Variants in ZNF43 observed in about 807,000 individuals in gnomAD.
ZNF43 encodes the protein zinc finger protein 43.
A neutral mutation model predicts 68.4 loss-of-function variants in ZNF43; 44 were observed. The ratio of observed to expected loss-of-function variants is 0.64; its 90% CI spans 0.51 to 0.83. ZNF43 has a LOEUF of 0.83. Among genes scored for constraint, ZNF43 ranks in the 40% least tolerant of loss-of-function variants. ZNF43 has a pLI of 0.00. For synonymous variants in ZNF43, 308 were observed against 307.8 expected, an observed-to-expected ratio of 1.00 and a Z score of -0.01; for missense variants, 896 against 933.2, an observed-to-expected ratio of 0.96 and a Z score of 0.52.
chr19:21,846,038 A>G (rs1181931712), intron 1 of ZNF43, among the ~76,000 whole-genome samples: 1 of 152,120 alleles, frequency 6.6e-6, no homozygotes, highest in African/African-American at 2.4e-5. Context: ...TGCATCCAGC[A>G]ACATGTCACA....
upstream of ZNF43, among the ~76,000 whole-genome samples, chr19:21,839,331 CAAAAAAAAAA>C (rs61335194): frequency 0.022 from 616 of 28,348 alleles, 17 homozygotes; most frequent in African/African-American, 0.065. Context: ...AGAGATCAGG[CAAAAAAAAAA>C]AAAAAAAAAA....
In ZNF43 at chr19:21,834,487, G is replaced by C. The variant is rs536711835; in HGVS notation, c.3+1549C>G. 3.3e-5 allele frequency among the ~76,000 whole-genome samples: 5 copies of C among 152,084 alleles called. No individual in the cohort carries two copies. The South Asian group carries it at 1.0e-3, about 32-fold the overall frequency. On this transcript the variant is annotated intron_variant, in intron 1 of 3. Coordinates refer to ENST00000354959, the MANE Select transcript of ZNF43 (RefSeq NM_003423.4). ...AGAAAACAAAATTTAGGCCGGACTCGGTGGCTCACGCCTGTAATCCTTGCA... is the reference window on the plus strand; with the variant it reads ...AGAAAACAAAATTTAGGCCGGACTCCGTGGCTCACGCCTGTAATCCTTGCA...
chr19:21,836,485 G>A (rs1446496742), upstream of ZNF43, among the ~76,000 whole-genome samples: 1 of 152,222 alleles, frequency 6.6e-6, no homozygotes, highest in East Asian at 1.9e-4. Flanking sequence ...ACTAAAAAAT[G>A]AAAACAATTG....
At chr19:21,820,830 A>ATTT (rs750258211) in intron 1 of ZNF43, among the ~76,000 whole-genome samples, 29 of 128,778 alleles carry the variant, frequency 2.3e-4, no homozygotes, top group African/African-American at 7.7e-4. Flanking sequence ...ATGTTCTGTA[A>ATTT]TTTTTTTTTT....
intron 1 of ZNF43, among the ~76,000 whole-genome samples, chr19:21,846,853 C>G (rs2145421455): frequency 6.6e-6 from 1 of 152,290 alleles, no homozygotes. Context: ...TATCACCTGG[C>G]TGTTGGACCC....
chr19:21,824,821 G>A (rs745635451), intron 1 of ZNF43, among the ~76,000 whole-genome samples: 3 of 151,956 alleles, frequency 2.0e-5, no homozygotes, highest in African/African-American at 2.4e-5. Context: ...GGCCAAGCTT[G>A]AGGATTATAA....
chr19:21,816,242 G>A (rs1249741591), intron 3 of ZNF43, among the ~76,000 whole-genome samples: 1 of 152,108 alleles, frequency 6.6e-6, no homozygotes, highest in Non-Finnish European at 1.5e-5. Context: ...GCTCACACTT[G>A]CAATGACAGC....
chr19:21,851,539 C>CAAAA (rs759516277), intron 1 of ZNF43, among the ~76,000 whole-genome samples: 2 of 64,826 alleles, frequency 3.1e-5, no homozygotes, highest in Non-Finnish European at 3.4e-5. Context: ...GATTCCCTCT[C>CAAAA]AAAAAAAAAA....
chr19:21,815,784 C>A (rs2037497782), intron 3 of ZNF43, among the ~76,000 whole-genome samples: 1 of 151,812 alleles, frequency 6.6e-6, no homozygotes, highest in Admixed American at 6.6e-5. Context: ...CTGGGTCAGG[C>A]ATGGTGGCTC....
intron 1 of ZNF43, 93 bp downstream of exon 1, chr19:21,835,940 ACTC>A: frequency 6.3e-7 from 1 of 1,599,456 alleles, no homozygotes; most frequent in Non-Finnish European, 8.5e-7. Context: ...CTGGGCAAGA[ACTC>A]CGGCACGCGC....
chr19:21,848,816 T>C (rs1394052425), intron 1 of ZNF43, among the ~76,000 whole-genome samples: 3 of 152,182 alleles, frequency 2.0e-5, no homozygotes, highest in Non-Finnish European at 4.4e-5. Flanking sequence ...CACCAATGAA[T>C]TGAACCTGTG....
intron 3 of ZNF43, among the ~76,000 whole-genome samples, chr19:21,813,360 T>C (rs770955412): frequency 2.6e-5 from 4 of 152,252 alleles, no homozygotes; most frequent in Middle Eastern, 3.4e-3. Flanking sequence ...CTGAATGACA[T>C]ATGAACATCC....
At chr19:21,816,468 C>T (rs2037534433) in intron 3 of ZNF43, among the ~76,000 whole-genome samples, 1 of 152,162 alleles carries the variant, frequency 6.6e-6, no homozygotes, top group South Asian at 2.1e-4. Flanking sequence ...GACCCCTGTT[C>T]TTAACTACAG....
intron 1 of ZNF43, among the ~76,000 whole-genome samples, chr19:21,825,485 A>G (rs1426540438): frequency 1.3e-5 from 2 of 152,184 alleles, no homozygotes; most frequent in Non-Finnish European, 2.9e-5. Context: ...TCTGAGTTTG[A>G]AAAAAGGACT....
At chr19:21,818,258 A>G (rs2037626730) in intron 2 of ZNF43, among the ~76,000 whole-genome samples, 1 of 152,070 alleles carries the variant, frequency 6.6e-6, no homozygotes, top group Non-Finnish European at 1.5e-5. Flanking sequence ...GTGTGCCACC[A>G]TGCCTGATTA....
At position 21,808,545 on chromosome 19, in the gene ZNF43, T is replaced by C; in HGVS notation, c.1492A>G (p.Thr498Ala). The change falls in exon 4 of 4, where the codon ACT becomes GCT. Residue 498 changes from threonine to alanine, a missense_variant. Thr to Ala is a moderately conservative substitution (Grantham distance 58). Coordinates refer to ENST00000354959, the MANE Select transcript of ZNF43 (RefSeq NM_003423.4). ...TCAATGTGAATTTTCTTATGTTTAG[T>C]AAGGTTTGAGGACCGGCTAAAAGCT... The part of the protein sequence containing the change: ...GKAFSRSSNL[T>A]KHKKIHIEKK... The C allele has an allele frequency of 6.2e-7, 1 of 1,613,394 alleles. No individual in the cohort carries two copies. The highest frequency in any genetic ancestry group is 8.5e-7 in the Non-Finnish European group (1 of 1,179,798).
At position 21,804,952 on chromosome 19, in the gene ZNF43, C is replaced by T. The variant is rs2036868770; in HGVS notation, c.*2655G>A. The T allele has an allele frequency of 1.3e-5, 2 of 152,110 alleles. No individual in the cohort carries two copies. Among genetic ancestry groups the T allele is most frequent in the African/African-American group, 4.8e-5 (2 of 41,398 alleles). 9.4% of individuals were successfully genotyped at this position (152,110 alleles called of 1,614,324 possible). On this transcript the variant is annotated 3_prime_UTR_variant, in exon 4 of 4. Transcript: ENST00000354959. ...AGAAAAATATATACCAATGTTTATTCATGACTCAGGAATGTATGGACTTTA... is the reference window on the plus strand; with the variant it reads ...AGAAAAATATATACCAATGTTTATTTATGACTCAGGAATGTATGGACTTTA...
intron 1 of ZNF43, among the ~76,000 whole-genome samples, chr19:21,821,966 T>C (rs538479282): frequency 6.6e-6 from 1 of 152,326 alleles, no homozygotes; most frequent in Admixed American, 6.5e-5. Context: ...GATGAGATTC[T>C]CTGGACAAAT....
chr19:21,821,011 T>C (rs1289584852), intron 1 of ZNF43, among the ~76,000 whole-genome samples: 1 of 151,756 alleles, frequency 6.6e-6, no homozygotes, highest in Non-Finnish European at 1.5e-5. Context: ...TTTTCTTGTG[T>C]TTTTAGTAGA....
Sources: allele counts gnomAD v4.1 joint callset (sites outside exome capture counted in the v4.1 genomes callset), GRCh38; gene constraint gnomAD v4.1.1; transcripts MANE v1.5; gene names NCBI Gene and HGNC (gene_info 2026-07-23, HGNC 2026-07-21).